NFIB: variants seen among roughly 807,000 people sequenced by gnomAD.
NFIB encodes the protein nuclear factor I B.
Under a neutral mutation model 61.5 loss-of-function variants are expected in NFIB, and 11 were observed. The observed-to-expected ratio is 0.18, with a 90% CI of 0.11 to 0.30. The LOEUF is 0.30. Among genes scored for constraint, NFIB ranks in the 10% least tolerant of loss-of-function variants. The probability of loss-of-function intolerance (pLI) is 1.00; values close to 1 mark genes in which losing one functional copy is unlikely to be tolerated. For missense variants in NFIB, 471 were observed against 608.9 expected (o/e 0.77, Z 2.38); for synonymous variants, 260 against 216.5 (o/e 1.20, Z -1.76).
the NFIB span, among the ~76,000 whole-genome samples, chr9:14,483,855 A>G: frequency 0.12 from 17,791 of 152,250 alleles, 1,133 homozygotes; most frequent in South Asian, 0.19. Flanking sequence ...CAAGAAATAA[A>G]CTTTAATGTT....
rs1209102441 is a variant in NFIB at position 14,082,377 on chromosome 9, CA to C, written c.*5931del. ...GTATCTAAAGAAACACACAGTCCTA[CA>C]AAAGTTGTTCTCAGAGAAATATCAT... On this transcript the variant is annotated 3_prime_UTR_variant, in exon 11 of 11. Transcript: ENST00000380953. The C allele has an allele frequency of 4.9e-6, 1 of 203,844 alleles. No homozygotes were observed. The highest frequency in any genetic ancestry group is 2.3e-5 in the African/African-American group (1 of 43,634). 12.6% of individuals were successfully genotyped at this position (203,844 alleles called of 1,614,324 possible). A position where few individuals can be genotyped will look rare whatever the true frequency, so the allele number is the denominator to read the frequency against.
chr9:14,231,726 C>T (rs1241547260), intron 2 of NFIB, among the ~76,000 whole-genome samples: 1 of 152,138 alleles, frequency 6.6e-6, no homozygotes, highest in Non-Finnish European at 1.5e-5. Flanking sequence ...CACCTTATGA[C>T]AGGACACGTG....
chr9:14,342,673 T>C (rs2060966229), intron 1 of NFIB, among the ~76,000 whole-genome samples: 1 of 152,208 alleles, frequency 6.6e-6, no homozygotes, highest in Admixed American at 6.5e-5. Context: ...GTCACCTAGC[T>C]AATAAGTGGC....
chr9:14,097,934 C>G (rs1387439908), intron 10 of NFIB, among the ~76,000 whole-genome samples: 1 of 132,300 alleles, frequency 7.6e-6, no homozygotes, highest in Non-Finnish European at 1.6e-5. Context: ...ATAACCTTTA[C>G]TGGCTGCTAA....
At chr9:14,454,234 T>C in the NFIB span, among the ~76,000 whole-genome samples, 1 of 152,216 alleles carries the variant, frequency 6.6e-6, no homozygotes. Context: ...ATAATGTAAT[T>C]GAAAAGTTAG....
the NFIB span, among the ~76,000 whole-genome samples, chr9:14,424,906 T>C: frequency 6.6e-6 from 1 of 152,166 alleles, no homozygotes; most frequent in Non-Finnish European, 1.5e-5. Context: ...TTTCTTCTAG[T>C]GCTGGCAACA....
chr9:14,261,635 C>T (rs918123195), intron 2 of NFIB, among the ~76,000 whole-genome samples: 2 of 152,114 alleles, frequency 1.3e-5, no homozygotes, highest in African/African-American at 2.4e-5. Flanking sequence ...TATATACACT[C>T]CTTCTTAGAG....
chr9:14,423,055 C>A, the NFIB span, among the ~76,000 whole-genome samples: 1 of 151,864 alleles, frequency 6.6e-6, no homozygotes, highest in Non-Finnish European at 1.5e-5. Flanking sequence ...TCTATTAGAC[C>A]CTTTTGTAAA....
chr9:14,239,077 C>A (rs969414659), intron 2 of NFIB, among the ~76,000 whole-genome samples: 1 of 152,138 alleles, frequency 6.6e-6, no homozygotes, highest in Non-Finnish European at 1.5e-5. Context: ...CAAGAGCAGT[C>A]GGTAATATGC....
At chr9:14,374,910 AAAATAAAT>A (rs541331905) in intron 1 of NFIB, among the ~76,000 whole-genome samples, 29 of 151,970 alleles carry the variant, frequency 1.9e-4, no homozygotes, top group Non-Finnish European at 2.5e-4. Context: ...ACTCTGTCTC[AAAATAAAT>A]AAATAAATAA....
chr9:14,388,946 T>G (rs1057035923), intron 1 of NFIB, among the ~76,000 whole-genome samples: 1 of 152,200 alleles, frequency 6.6e-6, no homozygotes, highest in African/African-American at 2.4e-5. Flanking sequence ...TTTTAAAATT[T>G]TTCATGCTGG....
chr9:14,144,321 A>G (rs1356107555), intron 6 of NFIB, among the ~76,000 whole-genome samples: 1 of 152,206 alleles, frequency 6.6e-6, no homozygotes, highest in Non-Finnish European at 1.5e-5. Flanking sequence ...ATCCATTCCC[A>G]CACATTCACA....
At chr9:14,404,430 A>G in the NFIB span, among the ~76,000 whole-genome samples, 2,869 of 152,330 alleles carry the variant, frequency 0.019, 81 homozygotes, top group African/African-American at 0.065. Flanking sequence ...GACCACATGC[A>G]TATACATATA....
chr9:14,099,454 T>C (rs1229655272), intron 10 of NFIB, among the ~76,000 whole-genome samples: 1 of 152,196 alleles, frequency 6.6e-6, no homozygotes, highest in Non-Finnish European at 1.5e-5. Context: ...ATTCTTTCAA[T>C]GTTTTAAAAA....
intron 2 of NFIB, among the ~76,000 whole-genome samples, chr9:14,232,400 G>A (rs777194468): frequency 5.3e-5 from 8 of 152,152 alleles, no homozygotes; most frequent in African/African-American, 1.7e-4. Flanking sequence ...GCTGCAAAAC[G>A]CACCAAATGC....
chr9:14,455,228 T>G, the NFIB span, among the ~76,000 whole-genome samples: 1 of 152,220 alleles, frequency 6.6e-6, no homozygotes, highest in Non-Finnish European at 1.5e-5. Context: ...AATCTGAGTG[T>G]GTATCATTAT....
intron 2 of NFIB, among the ~76,000 whole-genome samples, chr9:14,294,935 G>T (rs949906177): frequency 6.6e-6 from 1 of 152,112 alleles, no homozygotes; most frequent in Admixed American, 6.5e-5. Context: ...AACAAGCACC[G>T]AAACTAGTTC....
At chr9:14,482,391 T>C in the NFIB span, among the ~76,000 whole-genome samples, 2 of 152,268 alleles carry the variant, frequency 1.3e-5, no homozygotes, top group African/African-American at 2.4e-5. Flanking sequence ...TCCTCAGCCA[T>C]GCATCCCGCT....
intron 2 of NFIB, among the ~76,000 whole-genome samples, chr9:14,189,363 C>T (rs976043537): frequency 6.6e-6 from 1 of 152,190 alleles, no homozygotes; most frequent in South Asian, 2.1e-4. Context: ...AGCACTAGCA[C>T]GCTGACTCTA....
Sources: allele counts gnomAD v4.1 joint callset (sites outside exome capture counted in the v4.1 genomes callset), GRCh38; gene constraint gnomAD v4.1.1; transcripts MANE v1.5; gene names NCBI Gene and HGNC (gene_info 2026-07-23, HGNC 2026-07-21).